The following FBXO34 variants were observed in gnomAD, a reference collection of about 807,000 sequenced individuals.
The protein encoded by FBXO34 is F-box protein 34.
In FBXO34, 12 loss-of-function variants were observed where a neutral mutation model predicts 24.5. The observed-to-expected ratio is 0.49, with a 90% CI of 0.31 to 0.79. FBXO34 has a LOEUF of 0.79. Ranked by LOEUF, FBXO34 falls within the 30% of genes least tolerant of loss-of-function variation. The probability of loss-of-function intolerance (pLI) is 0.04; values close to 1 mark genes in which losing one functional copy is unlikely to be tolerated. For synonymous variants in FBXO34, 320 were observed against 311.9 expected (o/e 1.03, Z -0.27); for missense variants, 823 against 857.7 (o/e 0.96, Z 0.51).
the FBXO34 span, among the ~76,000 whole-genome samples, chr14:55,405,041 C>T: frequency 6.6e-6 from 1 of 152,164 alleles, no homozygotes. Flanking sequence ...CTTAGCAGAT[C>T]CACATTTTCT....
chr14:55,399,932 C>G, the FBXO34 span, among the ~76,000 whole-genome samples: 1 of 152,200 alleles, frequency 6.6e-6, no homozygotes, highest in African/African-American at 2.4e-5. Context: ...AAGAAACAAA[C>G]TCTTACAAAT....
At position 55,331,675 on chromosome 14, in the gene FBXO34, A is replaced by G. The variant is rs573221738; in HGVS notation, c.-10-18706A>G. ...ATATATACCAACATGGTGTGTGTATATATATATATGTGTATATATATATAT... is the reference window on the plus strand; with the variant it reads ...ATATATACCAACATGGTGTGTGTATGTATATATATGTGTATATATATATAT... On this transcript the variant is annotated intron_variant, in intron 1 of 1. Transcript: ENST00000313833. Among the ~76,000 whole-genome samples the G allele has an allele frequency of 7.1e-4, 51 of 72,256 alleles. 1 individual carries two copies. The highest frequency in any genetic ancestry group is 4.1e-3 in the African/African-American group (36 of 8,784). 47.4% of individuals were successfully genotyped at this position (72,256 alleles called of 152,430 possible).
intron 1 of FBXO34, among the ~76,000 whole-genome samples, chr14:55,278,441 T>C (rs752696491): frequency 3.9e-5 from 6 of 152,166 alleles, no homozygotes; most frequent in Non-Finnish European, 7.3e-5. Context: ...TGGCTCACAA[T>C]ATTAAAAAGT....
intron 1 of FBXO34, among the ~76,000 whole-genome samples, chr14:55,332,431 G>C (rs755016194): frequency 6.6e-6 from 1 of 152,106 alleles, no homozygotes; most frequent in African/African-American, 2.4e-5. Flanking sequence ...CCGAGGTCTG[G>C]AGCTATCACC....
At chr14:55,426,927 A>G in the FBXO34 span, among the ~76,000 whole-genome samples, 2 of 149,986 alleles carry the variant, frequency 1.3e-5, no homozygotes, top group African/African-American at 5.1e-5. Context: ...AAATGAATGG[A>G]CACTTGGGAA....
chr14:55,273,754 G>A (rs967558332), intron 1 of FBXO34, among the ~76,000 whole-genome samples: 1 of 152,152 alleles, frequency 6.6e-6, no homozygotes, highest in Non-Finnish European at 1.5e-5. Flanking sequence ...TTCCCGAGCG[G>A]TAGCGATTCT....
At chr14:55,297,819 G>A (rs1276650116) in intron 1 of FBXO34, among the ~76,000 whole-genome samples, 1 of 151,990 alleles carries the variant, frequency 6.6e-6, no homozygotes, top group Non-Finnish European at 1.5e-5. Context: ...AAAAAACCGG[G>A]AATGAAAAAA....
chr14:55,424,106 G>T, the FBXO34 span: 2 of 1,269,810 alleles, frequency 1.6e-6, no homozygotes, highest in Non-Finnish European at 2.3e-6. Flanking sequence ...AATAAGCAAA[G>T]CACATGCATA....
downstream of FBXO34, chr14:55,368,475 C>T (rs1319901768): frequency 1.3e-5 from 2 of 152,368 alleles, no homozygotes; most frequent in East Asian, 3.8e-4. Context: ...CTGCCTCGGC[C>T]TCCTAAAGTG....
the FBXO34 span, among the ~76,000 whole-genome samples, chr14:55,435,424 C>T: frequency 7.2e-5 from 11 of 151,972 alleles, no homozygotes; most frequent in East Asian, 1.9e-4. Context: ...TACAGGCACC[C>T]GCCACAACAT....
chr14:55,371,895 A>T (rs888316605), downstream of FBXO34, among the ~76,000 whole-genome samples: 7 of 152,198 alleles, frequency 4.6e-5, no homozygotes, highest in Non-Finnish European at 8.8e-5. Context: ...GTATTTTGCA[A>T]GGGTGAAAGG....
rs1327767779 is a variant in FBXO34 at position 55,351,662 on chromosome 14, C to T, written c.1272C>T (p.Ala424=). The T allele has an allele frequency of 1.9e-6, 3 of 1,614,198 alleles. No individual in the cohort carries two copies. The highest frequency in any genetic ancestry group is 1.3e-5 in the African/African-American group (1 of 75,046). ...TTTCCTCTCATACCTATTCCCAAGC[C>T]TCTGAATTGCCCACAGATGCTGTTG... ...LPFSSHTYSQ[A]SELPTDAVDC... The change falls in exon 2 of 2, where the codon GCC becomes GCT. Residue 424 remains alanine (A), a synonymous_variant. Transcript: ENST00000313833.
At chr14:55,296,395 T>TTC (rs1882130236) in intron 1 of FBXO34, among the ~76,000 whole-genome samples, 1 of 112,578 alleles carries the variant, frequency 8.9e-6, no homozygotes, top group African/African-American at 3.1e-5. Context: ...TTTTTTGTTT[T>TTC]TTTTTTTTTT....
rs17128367 is a variant in FBXO34 at position 55,277,975 on chromosome 14, A to G, written c.-11+6438A>G. Among the ~76,000 whole-genome samples the G allele has an allele frequency of 9.0e-3, 1,372 of 152,290 alleles. 25 individuals carry two copies. Among genetic ancestry groups the G allele is most frequent in the African/African-American group, 0.031 (1,284 of 41,546 alleles). On this transcript the variant is annotated intron_variant, in intron 1 of 1. Transcript: ENST00000313833. ...AATCAACAGATTAGTCTGAACTTCTAGAAACAAACCCCTGAATGACACTGC... is the reference window on the plus strand; with the variant it reads ...AATCAACAGATTAGTCTGAACTTCTGGAAACAAACCCCTGAATGACACTGC...
At chr14:55,365,032 A>G (rs574365671), downstream of FBXO34, among the ~76,000 whole-genome samples, 16 of 147,148 alleles carry the variant, frequency 1.1e-4, no homozygotes, top group Admixed American at 9.6e-4. Flanking sequence ...CATCCTGGCT[A>G]ATGTGGTGAA....
At chr14:55,334,344 T>G (rs889274460) in intron 1 of FBXO34, among the ~76,000 whole-genome samples, 1 of 152,200 alleles carries the variant, frequency 6.6e-6, no homozygotes, top group African/African-American at 2.4e-5. Flanking sequence ...GCACATTCAC[T>G]CTAATGAGTA....
intron 1 of FBXO34, among the ~76,000 whole-genome samples, chr14:55,280,891 A>G (rs977246925): frequency 2.5e-4 from 38 of 152,150 alleles, no homozygotes; most frequent in Admixed American, 2.3e-3. Context: ...CCAATCCGCC[A>G]TGGATACTGA....
At chr14:55,279,634 A>G (rs1447075430) in intron 1 of FBXO34, among the ~76,000 whole-genome samples, 1 of 152,326 alleles carries the variant, frequency 6.6e-6, no homozygotes, top group Non-Finnish European at 1.5e-5. Context: ...TTCTCTTCCT[A>G]GAAGTTCAAG....
chr14:55,282,958 G>A (rs1443402046), intron 1 of FBXO34, among the ~76,000 whole-genome samples: 1 of 152,174 alleles, frequency 6.6e-6, no homozygotes, highest in African/African-American at 2.4e-5. Context: ...TGTTTCCAAA[G>A]TAGGGCAAGA....
Sources: gnomAD v4.1 joint callset for allele counts (sites outside exome capture counted in the v4.1 genomes callset) on GRCh38, gnomAD v4.1.1 for gene constraint, MANE v1.5 for transcripts, NCBI Gene and HGNC (gene_info 2026-07-23, HGNC 2026-07-21) for gene names.